The following MTMR3 variants were observed in gnomAD, a reference collection of about 807,000 sequenced individuals.
The protein encoded by MTMR3 is phosphatidylinositol-3,5-bisphosphate 3-phosphatase MTMR3.
MTMR3 carries 32 observed loss-of-function variants against 132.4 expected under a neutral mutation model. That is an observed-to-expected ratio of 0.24 (90% CI 0.18 to 0.32). The LOEUF (loss-of-function observed/expected upper bound fraction) is 0.32. Ranked by LOEUF, MTMR3 falls within the 10% of genes least tolerant of loss-of-function variation. MTMR3 has a pLI of 1.00. For synonymous variants in MTMR3, 556 were observed against 550.3 expected, an observed-to-expected ratio of 1.01 and a Z score of -0.14; for missense variants, 1,216 against 1,489.6, an observed-to-expected ratio of 0.82 and a Z score of 3.02.
At chr22:29,895,372 G>A (rs755909299) in intron 1 of MTMR3, among the ~76,000 whole-genome samples, 5 of 152,116 alleles carry the variant, frequency 3.3e-5, no homozygotes, top group Non-Finnish European at 5.9e-5. Context: ...CATTTTTACC[G>A]ATGAGAAATA....
chr22:30,008,736 G>A (rs62226361), intron 11 of MTMR3: 2 of 298,558 alleles, frequency 6.7e-6, no homozygotes, highest in Admixed American at 4.9e-5. Context: ...GAGTGAGATC[G>A]AAGTAGGCCT....
In MTMR3 at chr22:29,998,747, T is replaced by C; in HGVS notation, c.461-14T>C. 1 of 1,599,758 alleles carries C rather than the reference T, an allele frequency of 6.3e-7. No homozygotes were observed. The highest frequency in any genetic ancestry group is 8.5e-7 in the Non-Finnish European group (1 of 1,172,506). ...TTCATTTCTTCCTTTCTGCTGTTTATCTTTGGCCTCTAGGGGAGCATGTAA... is the reference window on the plus strand; with the variant it reads ...TTCATTTCTTCCTTTCTGCTGTTTACCTTTGGCCTCTAGGGGAGCATGTAA... On this transcript the variant is annotated splice_polypyrimidine_tract_variant and intron_variant, in intron 7 of 19. Transcript: ENST00000401950.
At chr22:29,902,257 A>G (rs2065014903) in intron 1 of MTMR3, among the ~76,000 whole-genome samples, 1 of 152,208 alleles carries the variant, frequency 6.6e-6, no homozygotes, top group Non-Finnish European at 1.5e-5. Context: ...AAAGAAGTAC[A>G]CACACATACT....
chr22:29,982,949 GTGTGTGTGTGTGTGTGTGTGTGTGTGTA>G (rs2066783451), intron 5 of MTMR3: 2 of 78,294 alleles, frequency 2.6e-5, no homozygotes, highest in Non-Finnish European at 7.3e-5. Context: ...GTGTGTGTGT[GTGTGTGTGTGTGTGTGTGTGTGTGTGTA>G]TGTGTTTGTA....
chr22:30,013,880 A>T, intron 14 of MTMR3: 1 of 214,818 alleles, frequency 4.7e-6, no homozygotes, highest in Non-Finnish European at 9.3e-6. Flanking sequence ...ACTGTCTCAG[A>T]CTCTGCACCC....
chr22:30,003,177 GA>G (rs2067209185), intron 9 of MTMR3, 184 bp downstream of exon 9: 2 of 459,016 alleles, frequency 4.4e-6, no homozygotes, highest in Non-Finnish European at 7.8e-6. Context: ...ACTGCATTCA[GA>G]ACACTAGCTG....
intron 1 of MTMR3, among the ~76,000 whole-genome samples, chr22:29,951,774 C>T (rs59754446): frequency 6.6e-6 from 1 of 151,976 alleles, no homozygotes; most frequent in Non-Finnish European, 1.5e-5. Context: ...TATGTAGTTA[C>T]ATACTTACAC....
chr22:29,896,685 T>C (rs1220593568), intron 1 of MTMR3, among the ~76,000 whole-genome samples: 1 of 152,116 alleles, frequency 6.6e-6, no homozygotes, highest in Non-Finnish European at 1.5e-5. Context: ...AAATACGTTA[T>C]TAGCAAGAAA....
chr22:29,949,752 T>C (rs2066037262), intron 1 of MTMR3, among the ~76,000 whole-genome samples: 1 of 152,112 alleles, frequency 6.6e-6, no homozygotes, highest in African/African-American at 2.4e-5. Flanking sequence ...ATTTTATTCT[T>C]TGATTGGTAT....
Position 30,020,784 on chromosome 22 carries a change from T to C in MTMR3, c.3125T>C (p.Val1042Ala), listed in dbSNP as rs750564700. The C allele has an allele frequency of 2.0e-5, 32 of 1,613,860 alleles. No individual in the cohort carries two copies. The highest frequency in any genetic ancestry group is 2.6e-5 in the Non-Finnish European group (31 of 1,179,954). Reference sequence around the variant, plus strand: ...ATTGAGTCAGGCCACCAGCAGGAAGTAGAAACTTTGAAGAAACAAGTCCAG... The same window carrying C: ...ATTGAGTCAGGCCACCAGCAGGAAGCAGAAACTTTGAAGAAACAAGTCCAG... ...RQIESGHQQEVETLKKQVQEL... is the reference protein window; with the variant it reads ...RQIESGHQQEAETLKKQVQEL... Residue 1042 changes from valine to alanine, a missense_variant, in exon 17 of 20, where the codon GTA (valine) becomes GCA (alanine). Around this residue, in one of 7 missense-constraint regions of MTMR3, gnomAD observed 852 missense variants for 852.0 expected, o/e 1.00. Transcript: ENST00000401950.
chr22:29,960,619 T>G (rs1055994919), intron 2 of MTMR3, among the ~76,000 whole-genome samples: 3 of 152,216 alleles, frequency 2.0e-5, no homozygotes, highest in African/African-American at 7.2e-5. Context: ...TACATGCCAG[T>G]AACTATTCTA....
rs766000120 is a variant in MTMR3, at chr22:29,991,491, G to C, written c.294-13G>C. On this transcript the variant is annotated splice_polypyrimidine_tract_variant and intron_variant, in intron 6 of 19. Transcript: ENST00000401950. ...CTTCTGATTACATCCATACTTGTTT[G>C]GCTTTACAAAAGGTGTCAGTTTTCA... 2.5e-6 allele frequency: 4 copies of C among 1,599,358 alleles called. No homozygotes were observed. The South Asian group carries it at 4.5e-5, about 18-fold the overall frequency.
intron 1 of MTMR3, among the ~76,000 whole-genome samples, chr22:29,935,090 T>C (rs1293105557): frequency 6.6e-6 from 1 of 152,238 alleles, no homozygotes; most frequent in Non-Finnish European, 1.5e-5. Context: ...GCTTTTAAGT[T>C]GTACATTAGT....
At chr22:29,991,848 G>A (rs1274747870) in intron 7 of MTMR3, 178 bp downstream of exon 7, 8 of 582,940 alleles carry the variant, frequency 1.4e-5, no homozygotes, top group Admixed American at 3.9e-5. Context: ...TCTGCCTTCC[G>A]GGGAAGGGAA....
At chr22:29,934,474 C>A (rs2145796866) in intron 1 of MTMR3, among the ~76,000 whole-genome samples, 1 of 152,172 alleles carries the variant, frequency 6.6e-6, no homozygotes, top group Middle Eastern at 3.4e-3. Flanking sequence ...TTCTAGAGCC[C>A]AATTTTTCTT....
intron 1 of MTMR3, among the ~76,000 whole-genome samples, chr22:29,935,222 G>A (rs1483856413): frequency 6.6e-6 from 1 of 152,182 alleles, no homozygotes; most frequent in African/African-American, 2.4e-5. Flanking sequence ...TAGTGGTAGA[G>A]CTAATATGTA....
chr22:29,979,133 A>G, intron 5 of MTMR3, 81 bp downstream of exon 5: 2 of 920,448 alleles, frequency 2.2e-6, no homozygotes, highest in Non-Finnish European at 3.6e-6. Context: ...AAGAGAGGAG[A>G]GGCATACAGA....
chr22:29,926,747 C>T (rs921955636), intron 1 of MTMR3, among the ~76,000 whole-genome samples: 1 of 152,092 alleles, frequency 6.6e-6, no homozygotes, highest in Non-Finnish European at 1.5e-5. Context: ...AAATTATTGT[C>T]ATGGGAGTTC....
chr22:29,935,724 C>G (rs2065735546), intron 1 of MTMR3, among the ~76,000 whole-genome samples: 1 of 148,682 alleles, frequency 6.7e-6, no homozygotes, highest in Admixed American at 6.8e-5. Context: ...ATTGAATGAT[C>G]TCTTCTCTCC....
Sources: allele counts gnomAD v4.1 joint callset (sites outside exome capture counted in the v4.1 genomes callset), GRCh38; gene constraint gnomAD v4.1.1; regional missense constraint gnomAD v4.1.1; transcripts MANE v1.5; gene names NCBI Gene and HGNC (gene_info 2026-07-23, HGNC 2026-07-21).